Variants in TBX5 observed in about 807,000 individuals in gnomAD.
TBX5 encodes the protein T-box transcription factor TBX5.
TBX5 carries 8 observed loss-of-function variants against 51.1 expected under a neutral mutation model. The ratio of observed to expected loss-of-function variants is 0.16; its 90% CI spans 0.09 to 0.28. The LOEUF (loss-of-function observed/expected upper bound fraction) is 0.28, where lower values mean the gene tolerates loss of function less well. Ranked by LOEUF, TBX5 falls within the 10% of genes least tolerant of loss-of-function variation. TBX5 has a pLI of 1.00. For missense variants in TBX5, 589 were observed against 671.7 expected (o/e 0.88, Z 1.36); for synonymous variants, 302 against 266.4 (o/e 1.13, Z -1.30).
intron 8 of TBX5, among the ~76,000 whole-genome samples, chr12:114,358,470 C>T (rs1869038932): frequency 6.6e-6 from 1 of 152,074 alleles, no homozygotes; most frequent in African/African-American, 2.4e-5. Context: ...GTTTGGATTC[C>T]ACCAATCAGC....
At position 114,355,173 on chromosome 12, in the gene TBX5, A is replaced by G; in HGVS notation, c.*359T>C. On this transcript the variant is annotated 3_prime_UTR_variant, in exon 9 of 9. Transcript: ENST00000405440. ...ACAGACTCCAACTACGCACTAGGGA[A>G]AAACACTCAATGAGGCAAGACTTTC... 2.7e-6 allele frequency: 1 copy of G among 375,616 alleles called. No homozygotes were observed. Among genetic ancestry groups the G allele is most frequent in the South Asian group, 2.1e-5 (1 of 46,548 alleles). 23.3% of individuals were successfully genotyped at this position (375,616 alleles called of 1,614,324 possible). A position where few individuals can be genotyped will look rare whatever the true frequency, so the allele number is the denominator to read the frequency against.
upstream of TBX5, chr12:114,408,291 G>A (rs1023739822): frequency 6.9e-6 from 6 of 867,756 alleles, no homozygotes; most frequent in Admixed American, 1.2e-4. Flanking sequence ...TGAGGGTGAT[G>A]AACATAAGAC....
At chr12:114,407,062 G>T, upstream of TBX5, 1 of 985,354 alleles carries the variant, frequency 1.0e-6, no homozygotes, top group Non-Finnish European at 1.2e-6. Flanking sequence ...GCAAGTCAAG[G>T]TCTGGAGAAA....
At chr12:114,374,955 G>A (rs191549880) in intron 7 of TBX5, among the ~76,000 whole-genome samples, 7 of 152,276 alleles carry the variant, frequency 4.6e-5, no homozygotes, top group African/African-American at 1.7e-4. Context: ...ATGTGGTAGA[G>A]CAAATATATA....
chr12:114,374,995 T>C (rs1870113186), intron 7 of TBX5, among the ~76,000 whole-genome samples: 1 of 152,210 alleles, frequency 6.6e-6, no homozygotes, highest in African/African-American at 2.4e-5. Flanking sequence ...CTCTAAGCAG[T>C]GAGTACATGG....
At chr12:114,373,700 G>A (rs375479457) in intron 7 of TBX5, among the ~76,000 whole-genome samples, 6 of 152,062 alleles carry the variant, frequency 3.9e-5, no homozygotes, top group Non-Finnish European at 7.4e-5. Flanking sequence ...CTTGTGATCC[G>A]CCCACCTCGG....
chr12:114,397,608 C>T (rs1029969987), intron 5 of TBX5, among the ~76,000 whole-genome samples: 19 of 152,124 alleles, frequency 1.2e-4, no homozygotes, highest in Admixed American at 6.5e-5. Flanking sequence ...CCACTAAAAC[C>T]TACACATTCT....
In TBX5 at chr12:114,388,660, T is replaced by C. The variant is rs1219429366; in HGVS notation, c.664-3093A>G. On this transcript the variant is annotated intron_variant, in intron 6 of 8. Coordinates refer to ENST00000405440, the MANE Select transcript of TBX5 (RefSeq NM_181486.4). ...TCCTACCCTAAAGTTTATTTTAAAATATTTTTAAAGTATCCGTGTGTGTGT... is the reference window on the plus strand; with the variant it reads ...TCCTACCCTAAAGTTTATTTTAAAACATTTTTAAAGTATCCGTGTGTGTGT... Among the ~76,000 whole-genome samples, 8 of 146,230 alleles carry C rather than the reference T, an allele frequency of 5.5e-5. No homozygotes were observed. In the Admixed American group the frequency reaches 5.5e-4, roughly 10 times the overall value.
At chr12:114,395,040 G>C in intron 5 of TBX5, 147 bp from the exon 6 acceptor site, 1 of 794,922 alleles carries the variant, frequency 1.3e-6, no homozygotes, top group Non-Finnish European at 2.0e-6. Flanking sequence ...AAAGGGGCCA[G>C]GGATTTCATT....
At chr12:114,388,560 A>G (rs2136401926) in intron 6 of TBX5, among the ~76,000 whole-genome samples, 1 of 151,648 alleles carries the variant, frequency 6.6e-6, no homozygotes, top group Admixed American at 6.6e-5. Context: ...TCACTACAAC[A>G]TTGACCTCCC....
At chr12:114,406,563 G>A (rs949195697), upstream of TBX5, among the ~76,000 whole-genome samples, 1 of 151,976 alleles carries the variant, frequency 6.6e-6, no homozygotes, top group African/African-American at 2.4e-5. Flanking sequence ...GCCGGCGCTC[G>A]CCTTCCTGAC....
intron 3 of TBX5, 94 bp downstream of exon 3, chr12:114,401,732 C>T (rs1593883682): frequency 2.6e-6 from 3 of 1,141,120 alleles, no homozygotes; most frequent in Middle Eastern, 1.9e-4. Flanking sequence ...CCTTTTGCCC[C>T]TTTCCTTCCT....
At chr12:114,378,318 G>A (rs1211380723) in intron 7 of TBX5, among the ~76,000 whole-genome samples, 2 of 152,184 alleles carry the variant, frequency 1.3e-5, no homozygotes. Context: ...GTTACAAGAA[G>A]ATGAGCAGAA....
chr12:114,388,625 G>A (rs1870955188), intron 6 of TBX5, among the ~76,000 whole-genome samples: 1 of 151,326 alleles, frequency 6.6e-6, no homozygotes, highest in Non-Finnish European at 1.5e-5. Context: ...TTATACACAT[G>A]AGCCACTATT....
At chr12:114,385,094 G>C (rs1348969526) in intron 7 of TBX5, among the ~76,000 whole-genome samples, 1 of 110,494 alleles carries the variant, frequency 9.1e-6, no homozygotes, top group Non-Finnish European at 1.9e-5. Flanking sequence ...CATTTACCAA[G>C]AGCTGTTGCC....
At chr12:114,401,328 C>G (rs540551921) in intron 3 of TBX5, among the ~76,000 whole-genome samples, 73 of 152,270 alleles carry the variant, frequency 4.8e-4, no homozygotes, top group African/African-American at 1.7e-3. Flanking sequence ...ATACATCCAA[C>G]GATTCAGAGT....
intron 7 of TBX5, among the ~76,000 whole-genome samples, chr12:114,383,247 A>G (rs2136394984): frequency 6.6e-6 from 1 of 152,248 alleles, no homozygotes; most frequent in East Asian, 1.9e-4. Context: ...AAGCTTCTTG[A>G]AGGAAGGAAA....
Position 114,355,226 on chromosome 12 carries a change from G to A in TBX5, c.*306C>T, listed in dbSNP as rs571901755. ...GAGCCCAAAAGAAGGAATGGGGGAA[G>A]AGATCTGGGGAGTAGCGTGAATGTG... On this transcript the variant is annotated 3_prime_UTR_variant, in exon 9 of 9. Coordinates refer to ENST00000405440, the MANE Select transcript of TBX5 (RefSeq NM_181486.4). The A allele has an allele frequency of 5.9e-4, 258 of 436,496 alleles. No homozygotes were observed. Among genetic ancestry groups the A allele is most frequent in the Middle Eastern group, 2.2e-3 (3 of 1,378 alleles). The allele number at this position is 436,496 out of a possible 1,614,324, so 27.0% of individuals were successfully genotyped here. A position where few individuals can be genotyped will look rare whatever the true frequency, so the allele number is the denominator to read the frequency against.
Position 114,355,767 on chromosome 12 carries a change from C to T in TBX5, c.1322G>A (p.Gly441Asp), listed in dbSNP as rs1203543672. ...CTGTGGGGAGCCATGGTTGGCCATGCCAGCCAGCCGAGGGACCAGGGGCCC... is the reference window on the plus strand; with the variant it reads ...CTGTGGGGAGCCATGGTTGGCCATGTCAGCCAGCCGAGGGACCAGGGGCCC... ...TSGPLVPRLA[G>D]MANHGSPQLG... Residue 441 changes from glycine (G) to aspartate (D), a missense_variant, in exon 9 of 9, where the codon GGC becomes GAC. Gly to Asp is a moderately conservative substitution (Grantham distance 94). Around this residue, in one of 7 missense-constraint regions of TBX5, gnomAD observed 348 missense variants for 360.4 expected, o/e 0.97. Transcript: ENST00000405440. The T allele has an allele frequency of 1.2e-6, 2 of 1,613,914 alleles. No individual in the cohort carries two copies. The highest frequency in any genetic ancestry group is 1.7e-6 in the Non-Finnish European group (2 of 1,179,994).
Sources: allele counts gnomAD v4.1 joint callset (sites outside exome capture counted in the v4.1 genomes callset), GRCh38; gene constraint gnomAD v4.1.1; regional missense constraint gnomAD v4.1.1; transcripts MANE v1.5; gene names NCBI Gene and HGNC (gene_info 2026-07-23, HGNC 2026-07-21).